Variants in ATG10 observed in about 807,000 individuals in gnomAD.
ATG10 encodes the protein ubiquitin-like-conjugating enzyme ATG10.
In ATG10, 30 loss-of-function variants were observed where a neutral mutation model predicts 32.1. The ratio of observed to expected loss-of-function variants is 0.94; its 90% CI spans 0.70 to 1.27. The LOEUF is 1.27. Ranked by LOEUF, ATG10 falls within the 50% of genes most tolerant of loss-of-function variation. The pLI is 0.00. For synonymous variants in ATG10, 87 were observed against 91.5 expected, an observed-to-expected ratio of 0.95 and a Z score of 0.28; for missense variants, 233 against 262.3, an observed-to-expected ratio of 0.89 and a Z score of 0.77.
At chr5:81,993,336 C>CTTTCTTTCT (rs1554039309) in intron 2 of ATG10, among the ~76,000 whole-genome samples, 13 of 77,728 alleles carry the variant, frequency 1.7e-4, no homozygotes, top group East Asian at 7.6e-4. Context: ...TCCTTCCTTC[C>CTTTCTTTCT]TTCTTTCTTT....
chr5:81,977,839 T>G (rs1054301406), intron 1 of ATG10, among the ~76,000 whole-genome samples: 1 of 152,108 alleles, frequency 6.6e-6, no homozygotes, highest in Non-Finnish European at 1.5e-5. Flanking sequence ...AGGTACTGAG[T>G]GAATGAATGA....
At chr5:82,138,300 G>T (rs904736527) in intron 3 of ATG10, among the ~76,000 whole-genome samples, 1 of 152,194 alleles carries the variant, frequency 6.6e-6, no homozygotes, top group Non-Finnish European at 1.5e-5. Flanking sequence ...CAGCTACCTT[G>T]GTGTCTGCCC....
intron 3 of ATG10, among the ~76,000 whole-genome samples, chr5:82,141,335 A>AC (rs1249928032): frequency 1.3e-5 from 2 of 152,162 alleles, no homozygotes; most frequent in African/African-American, 4.8e-5. Flanking sequence ...GATTTCTTGA[A>AC]CTGATACACT....
intron 5 of ATG10, among the ~76,000 whole-genome samples, chr5:82,234,185 T>C (rs541984267): frequency 6.6e-6 from 1 of 152,258 alleles, no homozygotes; most frequent in South Asian, 2.1e-4. Context: ...GGGGAACACC[T>C]TCACAAAGAG....
chr5:81,980,717 G>T (rs1761015795), intron 1 of ATG10, among the ~76,000 whole-genome samples: 1 of 151,624 alleles, frequency 6.6e-6, no homozygotes, highest in African/African-American at 2.4e-5. Flanking sequence ...TTCTGTTCCT[G>T]CAGCTACCTG....
At chr5:82,209,450 G>C (rs1297110183) in intron 5 of ATG10, among the ~76,000 whole-genome samples, 1 of 152,068 alleles carries the variant, frequency 6.6e-6, no homozygotes, top group Non-Finnish European at 1.5e-5. Flanking sequence ...AGAACTGCCT[G>C]CCTCTTCTGC....
At chr5:82,201,700 G>T (rs575623172) in intron 5 of ATG10, among the ~76,000 whole-genome samples, 1 of 152,184 alleles carries the variant, frequency 6.6e-6, no homozygotes, top group South Asian at 2.1e-4. Context: ...TTTTAACTGG[G>T]ATTGTGTTGG....
At chr5:82,020,688 G>C (rs1324381539) in intron 2 of ATG10, among the ~76,000 whole-genome samples, 1 of 152,158 alleles carries the variant, frequency 6.6e-6, no homozygotes, top group African/African-American at 2.4e-5. Flanking sequence ...TGGCAGGCCA[G>C]CCTGAGCTTG....
At chr5:81,994,655 TTAAA>T (rs1761608224) in intron 2 of ATG10, among the ~76,000 whole-genome samples, 1 of 152,242 alleles carries the variant, frequency 6.6e-6, no homozygotes, top group Non-Finnish European at 1.5e-5. Context: ...TAAGCTTTAA[TTAAA>T]GCCTCTTTTT....
At chr5:82,132,953 C>G (rs1766601052) in intron 3 of ATG10, among the ~76,000 whole-genome samples, 1 of 152,180 alleles carries the variant, frequency 6.6e-6, no homozygotes, top group South Asian at 2.1e-4. Flanking sequence ...GAGATAGTAT[C>G]TCATTGTGAT....
At chr5:82,212,639 T>A (rs1372732226) in intron 5 of ATG10, among the ~76,000 whole-genome samples, 1 of 152,198 alleles carries the variant, frequency 6.6e-6, no homozygotes, top group Non-Finnish European at 1.5e-5. Context: ...TTGGGAAGGG[T>A]ATGGGCAAAA....
At chr5:81,979,256 G>A (rs141709664) in intron 1 of ATG10, among the ~76,000 whole-genome samples, 5 of 151,966 alleles carry the variant, frequency 3.3e-5, no homozygotes, top group Admixed American at 2.0e-4. Context: ...GGCTGGGCAC[G>A]GTGGCTCACA....
At chr5:82,078,792 C>T (rs562348756) in intron 3 of ATG10, 1 of 152,272 alleles carries the variant, frequency 6.6e-6, no homozygotes, top group East Asian at 1.9e-4. Flanking sequence ...TGTATTGGGC[C>T]ACTGGGGCTA....
intron 4 of ATG10, among the ~76,000 whole-genome samples, chr5:82,172,017 G>A (rs1743826780): frequency 6.6e-6 from 1 of 152,142 alleles, no homozygotes; most frequent in Admixed American, 6.5e-5. Flanking sequence ...AGGCACCAGG[G>A]CTTGGAGAGC....
chr5:82,020,582 A>G (rs1214261225), intron 2 of ATG10, among the ~76,000 whole-genome samples: 1 of 152,210 alleles, frequency 6.6e-6, no homozygotes, highest in Non-Finnish European at 1.5e-5. Flanking sequence ...GCTGATGTGC[A>G]CAGGGCTTGC....
At chr5:82,127,602 G>A (rs1268328583) in intron 3 of ATG10, among the ~76,000 whole-genome samples, 2 of 152,126 alleles carry the variant, frequency 1.3e-5, no homozygotes, top group Admixed American at 6.5e-5. Flanking sequence ...TTTTGAGTGA[G>A]TTTCTTCTTC....
At chr5:82,125,818 A>C (rs977721590) in intron 3 of ATG10, among the ~76,000 whole-genome samples, 1 of 152,176 alleles carries the variant, frequency 6.6e-6, no homozygotes, top group African/African-American at 2.4e-5. Flanking sequence ...GAAGAAAGTC[A>C]CTGGTAGCTT....
At chr5:82,108,731 A>G (rs1221868916) in intron 3 of ATG10, among the ~76,000 whole-genome samples, 4 of 151,980 alleles carry the variant, frequency 2.6e-5, no homozygotes, top group Admixed American at 2.0e-4. Context: ...AGACATTACA[A>G]AGGTATAAAA....
At chr5:81,976,508 A>G (rs912966377) in intron 1 of ATG10, among the ~76,000 whole-genome samples, 4 of 152,202 alleles carry the variant, frequency 2.6e-5, no homozygotes, top group African/African-American at 9.7e-5. Flanking sequence ...AAATGGTTGT[A>G]TTCTAGGAAA....
Sources: gnomAD v4.1 joint callset for allele counts (sites outside exome capture counted in the v4.1 genomes callset) on GRCh38, gnomAD v4.1.1 for gene constraint, MANE v1.5 for transcripts, NCBI Gene and HGNC (gene_info 2026-07-23, HGNC 2026-07-21) for gene names.